The following BNC2 variants were observed in gnomAD, a reference collection of about 807,000 sequenced individuals.
The protein encoded by BNC2 is zinc finger protein basonuclin-2.
Under a neutral mutation model 76.3 loss-of-function variants are expected in BNC2, and 20 were observed. That is an observed-to-expected ratio of 0.26 (90% CI 0.18 to 0.38). BNC2 has a LOEUF of 0.38. Ranked by LOEUF, BNC2 falls within the 10% of genes least tolerant of loss-of-function variation. The pLI, the probability that BNC2 is intolerant of heterozygous loss-of-function variation, is 1.00. For missense variants in BNC2, 1,382 were observed against 1,399.8 expected (o/e 0.99, Z 0.20); for synonymous variants, 582 against 514.8 (o/e 1.13, Z -1.77).
intron 1 of BNC2, among the ~76,000 whole-genome samples, chr9:16,769,031 G>T (rs748731128): frequency 3.3e-5 from 5 of 152,180 alleles, no homozygotes; most frequent in Admixed American, 6.5e-5. Context: ...CTGAAATGGG[G>T]AACAATGGAA....
intron 1 of BNC2, among the ~76,000 whole-genome samples, chr9:16,804,789 T>C (rs1399822307): frequency 6.6e-6 from 1 of 151,852 alleles, no homozygotes; most frequent in African/African-American, 2.4e-5. Flanking sequence ...AGAGGCCGGG[T>C]GCAGTGGCTC....
intron 1 of BNC2, among the ~76,000 whole-genome samples, chr9:16,848,500 T>C (rs561342495): frequency 6.6e-6 from 1 of 152,332 alleles, no homozygotes; most frequent in South Asian, 2.1e-4. Flanking sequence ...TCCCATCTTA[T>C]GAGCCAAATG....
In BNC2 at chr9:16,421,355, G is replaced by A; in HGVS notation, c.2640-1706C>T. ...ACAGAGAGAGAGAAAGAAAGAGAAA[G>A]AGAGAGAGAGAAAACAAATTCACAT... On this transcript the variant is annotated intron_variant, in intron 6 of 6. Coordinates refer to ENST00000380672, the MANE Select transcript of BNC2 (RefSeq NM_017637.6). The A allele has an allele frequency of 2.9e-6, 3 of 1,037,996 alleles. No individual in the cohort carries two copies. The South Asian group carries it at 4.3e-5, about 15-fold the overall frequency. 64.3% of individuals were successfully genotyped at this position (1,037,996 alleles called of 1,614,324 possible). A position where few individuals can be genotyped will look rare whatever the true frequency, so the allele number is the denominator to read the frequency against.
At chr9:16,485,546 G>C (rs987241365) in intron 5 of BNC2, among the ~76,000 whole-genome samples, 1 of 152,194 alleles carries the variant, frequency 6.6e-6, no homozygotes. Context: ...GGCTCTGTCA[G>C]GGCCGGTCCT....
chr9:16,627,022 CT>C (rs1158122928), intron 3 of BNC2, among the ~76,000 whole-genome samples: 2 of 152,168 alleles, frequency 1.3e-5, no homozygotes, highest in Non-Finnish European at 2.9e-5. Context: ...ACAGATGCAC[CT>C]TTTTACGCTC....
At chr9:16,527,569 T>G (rs1383126960) in intron 5 of BNC2, among the ~76,000 whole-genome samples, 1 of 152,180 alleles carries the variant, frequency 6.6e-6, no homozygotes, top group African/African-American at 2.4e-5. Context: ...AGAACCTGCA[T>G]AAGCTTCAAT....
intron 5 of BNC2, among the ~76,000 whole-genome samples, chr9:16,463,784 T>C (rs1821641142): frequency 6.6e-6 from 1 of 151,910 alleles, no homozygotes; most frequent in Admixed American, 6.6e-5. Flanking sequence ...GGGTCAGGCA[T>C]GGTGGTTCAC....
intron 1 of BNC2, among the ~76,000 whole-genome samples, chr9:16,786,988 G>A (rs888265581): frequency 3.3e-5 from 5 of 152,280 alleles, no homozygotes; most frequent in South Asian, 4.1e-4. Flanking sequence ...GGCTAGAGAC[G>A]AGTAACAGTG....
Position 16,418,738 on chromosome 9 carries a change from C to G in BNC2, c.*251G>C. Reference sequence around the variant, plus strand: ...TGTTTAAAGGGGTACTCTGTTTTCACCCTGAAATCAAAGATCCCACTCCTT... The same window carrying G: ...TGTTTAAAGGGGTACTCTGTTTTCAGCCTGAAATCAAAGATCCCACTCCTT... On this transcript the variant is annotated 3_prime_UTR_variant, in exon 7 of 7. Coordinates refer to ENST00000380672, the MANE Select transcript of BNC2 (RefSeq NM_017637.6). 2.0e-6 allele frequency: 1 copy of G among 491,584 alleles called. No individual in the cohort carries two copies. The allele number at this position is 491,584 out of a possible 1,614,324, so 30.5% of individuals were successfully genotyped here.
intron 1 of BNC2, among the ~76,000 whole-genome samples, chr9:16,759,945 G>T (rs1272009688): frequency 6.6e-6 from 1 of 152,140 alleles, no homozygotes; most frequent in African/African-American, 2.4e-5. Context: ...GGACGGTCTG[G>T]ATTTCCTGAC....
chr9:16,743,611 A>G (rs1446919667), intron 1 of BNC2, among the ~76,000 whole-genome samples: 1 of 152,190 alleles, frequency 6.6e-6, no homozygotes, highest in East Asian at 1.9e-4. Context: ...AAGCACCCGC[A>G]GGGCTGATGC....
At chr9:16,678,267 C>CTTTTTTTTTTTTTTTTTTTTTTTTTTTT (rs140809930) in intron 3 of BNC2, among the ~76,000 whole-genome samples, 2 of 80,718 alleles carry the variant, frequency 2.5e-5, no homozygotes, top group Non-Finnish European at 4.4e-5. Flanking sequence ...CTTTCTTTTT[C>CTTTTTTTTTTTTTTTTTTTTTTTTTTTT]TTTTTTTTTT....
intron 1 of BNC2, among the ~76,000 whole-genome samples, chr9:16,826,051 C>T (rs1467374279): frequency 6.6e-6 from 1 of 152,106 alleles, no homozygotes; most frequent in Admixed American, 6.5e-5. Context: ...GGACACAAAT[C>T]CCCTGATGGA....
chr9:16,702,486 T>C (rs1219973097), intron 3 of BNC2, among the ~76,000 whole-genome samples: 1 of 151,764 alleles, frequency 6.6e-6, no homozygotes, highest in African/African-American at 2.4e-5. Flanking sequence ...AATGAAAATT[T>C]TGCAGAGTGG....
At chr9:16,679,871 C>T (rs1440285833) in intron 3 of BNC2, among the ~76,000 whole-genome samples, 4 of 152,256 alleles carry the variant, frequency 2.6e-5, no homozygotes, top group African/African-American at 9.6e-5. Flanking sequence ...CTCTTTGCCT[C>T]CACCTTCCAC....
chr9:16,869,785 C>A (rs1345069177), intron 1 of BNC2, among the ~76,000 whole-genome samples: 2 of 152,174 alleles, frequency 1.3e-5, no homozygotes, highest in Admixed American at 1.3e-4. Context: ...GTGCTGGAGT[C>A]TCGCTTGGCA....
chr9:16,801,090 C>T (rs184656206), intron 1 of BNC2, among the ~76,000 whole-genome samples: 1 of 152,270 alleles, frequency 6.6e-6, no homozygotes, highest in African/African-American at 2.4e-5. Context: ...CACTTCTAAA[C>T]AAGACTTCAA....
intron 1 of BNC2, among the ~76,000 whole-genome samples, chr9:16,796,919 T>C (rs1356642836): frequency 1.3e-5 from 2 of 152,186 alleles, no homozygotes; most frequent in African/African-American, 2.4e-5. Flanking sequence ...TTGTCGCAAG[T>C]TGAACACTTG....
At chr9:16,771,729 A>G (rs528723579) in intron 1 of BNC2, among the ~76,000 whole-genome samples, 2 of 152,350 alleles carry the variant, frequency 1.3e-5, no homozygotes, top group African/African-American at 4.8e-5. Context: ...TTTTTCTCAT[A>G]AAAGAATGTA....
Sources: allele counts gnomAD v4.1 joint callset (sites outside exome capture counted in the v4.1 genomes callset), GRCh38; gene constraint gnomAD v4.1.1; transcripts MANE v1.5; gene names NCBI Gene and HGNC (gene_info 2026-07-23, HGNC 2026-07-21).